Variants in IQCH observed in about 807,000 individuals in gnomAD.
IQCH encodes IQ motif containing H, also known as IQ domain-containing protein H.
In IQCH, 98 loss-of-function variants were observed where a neutral mutation model predicts 117.0. The ratio of observed to expected loss-of-function variants is 0.84; its 90% CI spans 0.71 to 0.99. The LOEUF (loss-of-function observed/expected upper bound fraction) is 0.99. Ranked by LOEUF, IQCH falls within the 50% of genes least tolerant of loss-of-function variation. The pLI, the probability that IQCH is intolerant of heterozygous loss-of-function variation, is 0.00. For missense variants in IQCH, 1,102 were observed against 1,243.8 expected, an observed-to-expected ratio of 0.89 and a Z score of 1.72; for synonymous variants, 412 against 448.2, an observed-to-expected ratio of 0.92 and a Z score of 1.02.
chr15:67,414,455 G>A (rs2081524273), intron 14 of IQCH, among the ~76,000 whole-genome samples: 1 of 152,008 alleles, frequency 6.6e-6, no homozygotes, highest in Non-Finnish European at 1.5e-5. Context: ...AGGAGGGCAG[G>A]TTAGGGGGAG....
intron 4 of IQCH, among the ~76,000 whole-genome samples, chr15:67,281,196 A>T (rs902035635): frequency 6.6e-6 from 1 of 152,148 alleles, no homozygotes; most frequent in Non-Finnish European, 1.5e-5. Context: ...AAGCTTAATG[A>T]GGGCAGTAAC....
intron 13 of IQCH, among the ~76,000 whole-genome samples, chr15:67,399,080 T>G (rs1042385471): frequency 1.6e-4 from 25 of 152,186 alleles, no homozygotes; most frequent in African/African-American, 5.3e-4. Context: ...CTCTTCTGAC[T>G]TCTTTCTCTA....
In IQCH at chr15:67,364,611, C is replaced by T. The variant is rs1387229776; in HGVS notation, c.753+4726C>T. On this transcript the variant is annotated intron_variant, in intron 8 of 20. Coordinates refer to ENST00000335894, the MANE Select transcript of IQCH (RefSeq NM_001031715.3). This position sits in a 1 kb window ranked among gnomAD's most constrained non-coding sequence, Gnocchi z 4.1. Reference sequence around the variant, plus strand: ...GATAATCTGTATTTTTTCACTTTATCTCTTTCATTGATCAATTGTGACCTG... The same window carrying T: ...GATAATCTGTATTTTTTCACTTTATTTCTTTCATTGATCAATTGTGACCTG... Among the ~76,000 whole-genome samples the T allele has an allele frequency of 1.3e-5, 2 of 152,090 alleles. No homozygotes were observed. Among genetic ancestry groups the T allele is most frequent in the African/African-American group, 4.8e-5 (2 of 41,418 alleles).
intron 4 of IQCH, among the ~76,000 whole-genome samples, chr15:67,312,576 C>G (rs928788410): frequency 3.3e-5 from 5 of 151,990 alleles, no homozygotes; most frequent in African/African-American, 1.2e-4. Flanking sequence ...GACTACCAGC[C>G]CAGATTTTTA....
At chr15:67,274,027 G>A (rs143487332) in intron 3 of IQCH, among the ~76,000 whole-genome samples, 151 of 152,214 alleles carry the variant, frequency 9.9e-4, no homozygotes, top group African/African-American at 1.8e-3. Context: ...TTGAGAAGTC[G>A]TTTGCCAGAT....
intron 1 of IQCH, among the ~76,000 whole-genome samples, chr15:67,257,814 AAC>A (rs1407975762): frequency 6.6e-6 from 1 of 152,264 alleles, no homozygotes; most frequent in Non-Finnish European, 1.5e-5. Context: ...ATTGTGTGTT[AAC>A]ACAAAAATCC....
In IQCH at chr15:67,336,993, A is replaced by G; in HGVS notation, c.406A>G (p.Ile136Val). ...TATCTAGATAAAGGTTTCGAAGTTA[A>G]TCAAAGGGTCTAACATATCCAGCCT... ...PRAKIKVSKL[I>V]KGSNISSLTV... The change falls in exon 5 of 21, where the codon ATC becomes GTC. Residue 136 changes from isoleucine (I) to valine (V), a missense_variant. This residue lies in a region of IQCH where 452 missense variants were observed against 449.6 expected (regional missense o/e 1.01). Coordinates refer to ENST00000335894, the MANE Select transcript of IQCH (RefSeq NM_001031715.3). 1 of 1,613,708 alleles carries G rather than the reference A, an allele frequency of 6.2e-7. No individual in the cohort carries two copies. Among genetic ancestry groups the G allele is most frequent in the Admixed American group, 1.7e-5 (1 of 59,982 alleles).
intron 13 of IQCH, among the ~76,000 whole-genome samples, chr15:67,398,770 A>G (rs748988554): frequency 1.7e-4 from 26 of 152,134 alleles, no homozygotes; most frequent in Non-Finnish European, 2.8e-4. Context: ...CTGATCAAAA[A>G]AGAGGATAAG....
chr15:67,364,351 C>T lies in IQCH; in HGVS notation c.753+4466C>T, dbSNP rs899119054. Among the ~76,000 whole-genome samples, 5 of 152,164 alleles carry T rather than the reference C, an allele frequency of 3.3e-5. No homozygotes were observed. Among genetic ancestry groups the T allele is most frequent in the African/African-American group, 4.8e-5 (2 of 41,442 alleles). ...CTAATTCATTAGAAATTGCCATCCT[C>T]ACCTATGCGTTTTCATCATTAAACT... On this transcript the variant is annotated intron_variant, in intron 8 of 20. Coordinates refer to ENST00000335894, the MANE Select transcript of IQCH (RefSeq NM_001031715.3). This position sits in a 1 kb window ranked among gnomAD's most constrained non-coding sequence, Gnocchi z 4.1.
rs1234887683 is a variant in IQCH at position 67,366,126 on chromosome 15, G to A, written c.754-5985G>A. Among the ~76,000 whole-genome samples, 5 of 152,036 alleles carry A rather than the reference G, an allele frequency of 3.3e-5. No homozygotes were observed. The highest frequency in any genetic ancestry group is 7.4e-5 in the Non-Finnish European group (5 of 68,004). ...TTGAGGCTTGCTCTTTTTCCCATAC[G>A]TGTAGAGAAAATTATGATGTGTCTT... is the stretch of plus-strand genomic sequence containing the variant. On this transcript the variant is annotated intron_variant, in intron 8 of 20. Coordinates refer to ENST00000335894, the MANE Select transcript of IQCH (RefSeq NM_001031715.3). The surrounding 1 kb of genome is among the most constrained non-coding windows in gnomAD (Gnocchi z 4.4).
At chr15:67,389,082 C>T in intron 12 of IQCH, 76 bp downstream of exon 12, 1 of 1,089,744 alleles carries the variant, frequency 9.2e-7, no homozygotes, top group South Asian at 1.4e-5. Flanking sequence ...ACTTGCAACG[C>T]TCTGGTACAC....
Position 67,475,862 on chromosome 15 carries a change from T to G in IQCH, c.2799+44T>G, listed in dbSNP as rs1226631488. The G allele has an allele frequency of 6.4e-7, 1 of 1,561,698 alleles. No individual in the cohort carries two copies. The highest frequency in any genetic ancestry group is 8.8e-7 in the Non-Finnish European group (1 of 1,135,026). On this transcript the variant is annotated intron_variant, in intron 18 of 20. Coordinates refer to ENST00000335894, the MANE Select transcript of IQCH (RefSeq NM_001031715.3). This position sits in a 1 kb window ranked among gnomAD's most constrained non-coding sequence, Gnocchi z 5.7. ...GGCCAGGGGCGGCCAAAGACATGCC[T>G]GTGGGTGATCTAGGTAGCTAATAAT...
chr15:67,441,005 A>G (rs2082254397), intron 16 of IQCH, among the ~76,000 whole-genome samples: 1 of 152,066 alleles, frequency 6.6e-6, no homozygotes, highest in African/African-American at 2.4e-5. Flanking sequence ...CTGATAAAAG[A>G]ATTCAGCAAA....
At chr15:67,266,848 C>T (rs564574120) in intron 3 of IQCH, among the ~76,000 whole-genome samples, 1 of 152,218 alleles carries the variant, frequency 6.6e-6, no homozygotes, top group African/African-American at 2.4e-5. Flanking sequence ...GAAAAAAAAG[C>T]TCATGCTAAG....
At chr15:67,279,875 G>A (rs752264452) in intron 4 of IQCH, among the ~76,000 whole-genome samples, 1 of 152,008 alleles carries the variant, frequency 6.6e-6, no homozygotes, top group African/African-American at 2.4e-5. Context: ...GGTGGTGGGC[G>A]CCTGGTACTC....
chr15:67,275,168 T>C lies in IQCH; in HGVS notation c.270-4227T>C, dbSNP rs146519481. ...TATTTGTCCCTTCAAGTACTCCTGATACTTTCCATGGGTTGAGGTAGGGAC... is the reference window on the plus strand; with the variant it reads ...TATTTGTCCCTTCAAGTACTCCTGACACTTTCCATGGGTTGAGGTAGGGAC... On this transcript the variant is annotated intron_variant, in intron 3 of 20. Transcript: ENST00000335894. Among the ~76,000 whole-genome samples the C allele has an allele frequency of 6.8e-4, 103 of 152,354 alleles. 4 individuals carry two copies. The East Asian group carries it at 0.012, about 18-fold the overall frequency.
chr15:67,415,817 A>G (rs948114855), intron 14 of IQCH, among the ~76,000 whole-genome samples: 1 of 152,170 alleles, frequency 6.6e-6, no homozygotes, highest in Non-Finnish European at 1.5e-5. Context: ...AATATTGTCT[A>G]TCATATGAGT....
chr15:67,356,104 G>C lies in IQCH; in HGVS notation c.638-1241G>C, dbSNP rs910247356. Among the ~76,000 whole-genome samples, 4 of 152,180 alleles carry C rather than the reference G, an allele frequency of 2.6e-5. No homozygotes were observed. The highest frequency in any genetic ancestry group is 6.5e-5 in the Admixed American group (1 of 15,274). The stretch of plus-strand genomic sequence containing the variant: ...AATAGGAATAACAAATTTTACTGGT[G>C]AATCTGTGGATTCAAAGCAGGCTGA... On this transcript the variant is annotated intron_variant, in intron 6 of 20. Transcript: ENST00000335894. This position sits in a 1 kb window ranked among gnomAD's most constrained non-coding sequence, Gnocchi z 5.3.
rs188845149 is a variant in IQCH at position 67,476,902 on chromosome 15, A to C, written c.2799+1084A>C. 6.6e-6 allele frequency among the ~76,000 whole-genome samples: 1 copy of C among 152,184 alleles called. No individual in the cohort carries two copies. Among genetic ancestry groups the C allele is most frequent in the Non-Finnish European group, 1.5e-5 (1 of 68,044 alleles). The stretch of plus-strand genomic sequence containing the variant: ...TTAAATATAAGGTATATATAATGAC[A>C]TAAGAATTGAGTAGTAACCAGTTGA... On this transcript the variant is annotated intron_variant, in intron 18 of 20. Transcript: ENST00000335894. The surrounding 1 kb of genome is among the most constrained non-coding windows in gnomAD (Gnocchi z 4.1).
Sources: gnomAD v4.1 joint callset for allele counts (sites outside exome capture counted in the v4.1 genomes callset) on GRCh38, gnomAD v4.1.1 for gene constraint, gnomAD v4.1.1 regional missense constraint, Gnocchi (gnomAD v3.1) non-coding constraint, MANE v1.5 for transcripts, NCBI Gene and HGNC (gene_info 2026-07-23, HGNC 2026-07-21) for gene names.